Variants in RNLS observed in about 807,000 individuals in gnomAD.
RNLS encodes renalase, FAD dependent amine oxidase.
Under a neutral mutation model 39.8 loss-of-function variants are expected in RNLS, and 39 were observed. The observed-to-expected ratio is 0.98, with a 90% confidence interval of 0.76 to 1.28. RNLS has a LOEUF of 1.28. Among genes scored for constraint, RNLS ranks in the 50% most tolerant of loss-of-function variants. The pLI, the probability that RNLS is intolerant of heterozygous loss-of-function variation, is 0.00. For missense variants in RNLS, 410 were observed against 413.3 expected (o/e 0.99, Z 0.07); for synonymous variants, 147 against 150.7 (o/e 0.98, Z 0.18).
the RNLS span, among the ~76,000 whole-genome samples, chr10:88,227,805 T>C: frequency 6.6e-6 from 1 of 152,236 alleles, no homozygotes; most frequent in African/African-American, 2.4e-5. Context: ...GAGGCTGATA[T>C]GCAGAGGCGA....
intron 5 of RNLS, among the ~76,000 whole-genome samples, chr10:88,349,473 A>G (rs1721478995): frequency 6.6e-6 from 1 of 152,062 alleles, no homozygotes; most frequent in African/African-American, 2.4e-5. Flanking sequence ...CCTCCCCTTT[A>G]TTTTAAATAA....
the RNLS span, among the ~76,000 whole-genome samples, chr10:88,258,726 C>T: frequency 6.6e-6 from 1 of 152,172 alleles, no homozygotes; most frequent in Non-Finnish European, 1.5e-5. Context: ...AAACCCCAGG[C>T]CTAAAAGCTG....
chr10:88,172,571 A>T, the RNLS span, among the ~76,000 whole-genome samples: 2 of 152,136 alleles, frequency 1.3e-5, no homozygotes, highest in Non-Finnish European at 2.9e-5. Flanking sequence ...TATTCTAGAC[A>T]TTAGTCCCTT....
At chr10:88,442,491 C>A (rs545072875) in intron 4 of RNLS, among the ~76,000 whole-genome samples, 29 of 152,164 alleles carry the variant, frequency 1.9e-4, no homozygotes, top group Non-Finnish European at 3.4e-4. Flanking sequence ...AAAAGCAGAA[C>A]TCATTACCTA....
chr10:88,343,441 G>A (rs1315532913), intron 5 of RNLS: 7 of 733,088 alleles, frequency 9.5e-6, no homozygotes, highest in Non-Finnish European at 1.2e-5. Context: ...GATGGGGGAG[G>A]AAAAAGTTCA....
chr10:88,455,703 G>A (rs1842592622), intron 4 of RNLS, among the ~76,000 whole-genome samples: 1 of 152,044 alleles, frequency 6.6e-6, no homozygotes, highest in Non-Finnish European at 1.5e-5. Context: ...ACCACGCCTG[G>A]CCTGTAATTA....
At chr10:88,200,262 A>G in the RNLS span, among the ~76,000 whole-genome samples, 2 of 152,260 alleles carry the variant, frequency 1.3e-5, no homozygotes, top group African/African-American at 2.4e-5. Flanking sequence ...GTGTGAATCC[A>G]TGATGTGGTA....
chr10:88,313,339 TCAA>T (rs1459786890), intron 6 of RNLS, among the ~76,000 whole-genome samples: 1 of 152,198 alleles, frequency 6.6e-6, no homozygotes, highest in Admixed American at 6.5e-5. Context: ...TCAAAGTATA[TCAA>T]CAAGATTATT....
chr10:88,207,853 G>A, the RNLS span, among the ~76,000 whole-genome samples: 1 of 152,132 alleles, frequency 6.6e-6, no homozygotes, highest in African/African-American at 2.4e-5. Context: ...TTCCTGTGCT[G>A]ATCTAGACAA....
chr10:88,401,838 G>C (rs1003774662), intron 4 of RNLS, among the ~76,000 whole-genome samples: 1 of 151,978 alleles, frequency 6.6e-6, no homozygotes, highest in Non-Finnish European at 1.5e-5. Flanking sequence ...TTGGGAGGGT[G>C]TTTTGCCTAA....
chr10:88,275,421 A>G (rs1029436593), intron 6 of RNLS, among the ~76,000 whole-genome samples: 3 of 152,202 alleles, frequency 2.0e-5, no homozygotes, highest in Admixed American at 6.5e-5. Context: ...TGCCTTATAA[A>G]AACTCTTGCA....
chr10:88,250,225 C>T, the RNLS span, among the ~76,000 whole-genome samples: 2 of 152,180 alleles, frequency 1.3e-5, no homozygotes, highest in African/African-American at 2.4e-5. Context: ...ATCTCAGTTT[C>T]CTCCATTATT....
At chr10:88,312,892 T>A (rs1163853460) in intron 6 of RNLS, among the ~76,000 whole-genome samples, 1 of 152,188 alleles carries the variant, frequency 6.6e-6, no homozygotes, top group African/African-American at 2.4e-5. Context: ...TTATGTTCTG[T>A]AAAATGGTCC....
At chr10:88,446,182 A>G (rs998432959) in intron 4 of RNLS, among the ~76,000 whole-genome samples, 3 of 148,802 alleles carry the variant, frequency 2.0e-5, no homozygotes, top group Admixed American at 1.3e-4. Context: ...GCTCAACTAC[A>G]TGGAAACTGA....
At chr10:88,504,099 C>A (rs1010727157) in intron 4 of RNLS, among the ~76,000 whole-genome samples, 1 of 152,068 alleles carries the variant, frequency 6.6e-6, no homozygotes, top group African/African-American at 2.4e-5. Flanking sequence ...TTTTCCAGTC[C>A]CAGCTAAACC....
At chr10:88,529,520 C>T (rs1024961991) in intron 4 of RNLS, among the ~76,000 whole-genome samples, 1 of 152,122 alleles carries the variant, frequency 6.6e-6, no homozygotes, top group Non-Finnish European at 1.5e-5. Flanking sequence ...ATTTATTGCT[C>T]TCCCAAACAT....
At chr10:88,375,720 T>A (rs1850940306) in intron 4 of RNLS, among the ~76,000 whole-genome samples, 1 of 152,032 alleles carries the variant, frequency 6.6e-6, no homozygotes, top group Admixed American at 6.6e-5. Flanking sequence ...TGCAGTAGGG[T>A]AAGGAAAAAT....
intron 5 of RNLS, among the ~76,000 whole-genome samples, chr10:88,353,927 G>T (rs567617757): frequency 1.3e-5 from 2 of 152,296 alleles, no homozygotes; most frequent in South Asian, 4.1e-4. Context: ...AGGATAGTTA[G>T]CTCTTCTTGT....
chr10:88,521,467 T>G (rs1267262582), intron 4 of RNLS, among the ~76,000 whole-genome samples: 2 of 152,040 alleles, frequency 1.3e-5, no homozygotes, highest in African/African-American at 2.4e-5. Flanking sequence ...ATTCAGTCTG[T>G]CCCTAATGGG....
Sources: gnomAD v4.1 joint callset for allele counts (sites outside exome capture counted in the v4.1 genomes callset) on GRCh38, gnomAD v4.1.1 for gene constraint, MANE v1.5 for transcripts, NCBI Gene and HGNC (gene_info 2026-07-23, HGNC 2026-07-21) for gene names.